GSAP: variants seen among roughly 807,000 people sequenced by gnomAD.
The protein encoded by GSAP is gamma-secretase-activating protein.
A neutral mutation model predicts 131.7 loss-of-function variants in GSAP; 118 were observed. The ratio of observed to expected loss-of-function variants is 0.90; its 90% CI spans 0.77 to 1.04. The LOEUF (loss-of-function observed/expected upper bound fraction) is 1.04, where lower values mean the gene tolerates loss of function less well. GSAP is among the 50% of genes least tolerant of loss of function. GSAP has a pLI of 0.00. For synonymous variants in GSAP, 381 were observed against 363.4 expected (o/e 1.05, Z -0.55); for missense variants, 1,019 against 1,013.2 (o/e 1.01, Z -0.08).
chr7:77,328,435 C>T, intron 22 of GSAP, 171 bp downstream of exon 22: 1 of 1,326,132 alleles, frequency 7.5e-7, no homozygotes, highest in Non-Finnish European at 9.6e-7. Context: ...GGTGCCTAGA[C>T]AGACATGGGA....
intron 19 of GSAP, among the ~76,000 whole-genome samples, chr7:77,343,664 T>C (rs1429354385): frequency 6.6e-6 from 1 of 152,200 alleles, no homozygotes. Context: ...CCAGTTTTTC[T>C]CCTTCTCATC....
chr7:77,355,672 A>G (rs369337812), intron 14 of GSAP, 25 bp from the exon 15 acceptor site: 19 of 1,256,670 alleles, frequency 1.5e-5, no homozygotes, highest in Non-Finnish European at 2.2e-5. Flanking sequence ...GATTTACATC[A>G]TCTACATGTG....
chr7:77,358,156 C>A (rs1473001099), intron 14 of GSAP, among the ~76,000 whole-genome samples: 1 of 152,098 alleles, frequency 6.6e-6, no homozygotes, highest in Non-Finnish European at 1.5e-5. Context: ...GCCTGGGCAG[C>A]ATGACAAAAC....
intron 12 of GSAP, among the ~76,000 whole-genome samples, chr7:77,370,309 A>C (rs1360303380): frequency 5.3e-5 from 8 of 152,134 alleles, no homozygotes; most frequent in Non-Finnish European, 1.2e-4. Flanking sequence ...AATACAAAAA[A>C]AATTAGCCAG....
intron 16 of GSAP, 53 bp downstream of exon 16, chr7:77,355,160 A>G (rs1793465903): frequency 1.8e-6 from 2 of 1,136,266 alleles, no homozygotes; most frequent in East Asian, 2.4e-5. Flanking sequence ...CACAAAATAA[A>G]TATGTTCAGT....
chr7:77,350,631 TA>T (rs1792717517), intron 18 of GSAP, among the ~76,000 whole-genome samples: 3 of 150,722 alleles, frequency 2.0e-5, no homozygotes, highest in African/African-American at 7.3e-5. Flanking sequence ...TATTTCCAGC[TA>T]CTCAGGAGGC....
intron 1 of GSAP, among the ~76,000 whole-genome samples, chr7:77,413,840 A>G (rs969028352): frequency 7.4e-6 from 1 of 135,714 alleles, no homozygotes; most frequent in Non-Finnish European, 1.6e-5. Context: ...TAGTGGATAC[A>G]CGGTTTTACT....
chr7:77,384,262 T>G lies in GSAP; in HGVS notation c.457-1619A>C, dbSNP rs552222195. ...GCCTGCTTAGGAATGTGACATGGAC[T>G]GAGGTGCTGAAGAGGTGTAACTGCC... On this transcript the variant is annotated intron_variant, in intron 6 of 30. Coordinates refer to ENST00000257626, the MANE Select transcript of GSAP (RefSeq NM_017439.4). Among the ~76,000 whole-genome samples the G allele has an allele frequency of 3.3e-5, 5 of 152,336 alleles. No individual in the cohort carries two copies. In the South Asian group the frequency reaches 8.3e-4, roughly 25 times the overall value.
chr7:77,416,086 G>T, intron 1 of GSAP, 127 bp downstream of exon 1: 1 of 525,108 alleles, frequency 1.9e-6, no homozygotes, highest in Non-Finnish European at 3.2e-6. Flanking sequence ...GGAGGGGAGC[G>T]ACGCCCTCGC....
chr7:77,381,351 A>G lies in GSAP; in HGVS notation c.530T>C (p.Ile177Thr), dbSNP rs1451338632. ...HLLLISEEKY[I>T]EQFRIHVAQE... ...GGCGACATGGATACGAAATTGTTCA[A>G]TATCTTTAAAAGAAAAACAAAGAAA... Residue 177 changes from isoleucine (I) to threonine (T), a missense_variant, in exon 8 of 31, where the codon ATT (isoleucine) becomes ACT (threonine). Coordinates refer to ENST00000257626, the MANE Select transcript of GSAP (RefSeq NM_017439.4). 6.0e-6 allele frequency: 9 copies of G among 1,498,078 alleles called. No individual in the cohort carries two copies. Among genetic ancestry groups the G allele is most frequent in the African/African-American group, 1.4e-5 (1 of 70,400 alleles). 92.8% of individuals were successfully genotyped at this position (1,498,078 alleles called of 1,614,324 possible).
At chr7:77,313,416 T>C (rs1794627628) in intron 28 of GSAP, 72 bp downstream of exon 28, 2 of 793,500 alleles carry the variant, frequency 2.5e-6, no homozygotes, top group Non-Finnish European at 4.3e-6. Flanking sequence ...GTAAATGCTC[T>C]TTTTGCAAGA....
In GSAP at chr7:77,353,015, A is replaced by C. The variant is rs757047931; in HGVS notation, c.1420T>G (p.Trp474Gly). ...IQEFIIASSY[W>G]SVYSETSNMD... ...TTACTTGTCTCTGAATATACACTCCAGTATGAAGAAGCTGAGTAGATTTTT... is the reference window on the plus strand; with the variant it reads ...TTACTTGTCTCTGAATATACACTCCCGTATGAAGAAGCTGAGTAGATTTTT... Residue 474 changes from tryptophan to glycine, a missense_variant, in exon 18 of 31, where the codon TGG (tryptophan) becomes GGG (glycine). Transcript: ENST00000257626. The C allele has an allele frequency of 2.5e-6, 4 of 1,593,708 alleles. No individual in the cohort carries two copies. The highest frequency in any genetic ancestry group is 1.1e-5 in the South Asian group (1 of 90,454).
chr7:77,313,496 G>C lies in GSAP; in HGVS notation c.2263C>G (p.Leu755Val). 6.5e-7 allele frequency: 1 copy of C among 1,549,608 alleles called. No individual in the cohort carries two copies. Among genetic ancestry groups the C allele is most frequent in the Non-Finnish European group, 8.9e-7 (1 of 1,122,750 alleles). The change falls in exon 28 of 31, where the codon CTT becomes GTT. Residue 755 changes from leucine (L) to valine (V), a missense_variant. Leu to Val is a conservative substitution (Grantham distance 32). Transcript: ENST00000257626. ...EKLKFSIIVRLPPLIGQKICR... is the reference protein window; with the variant it reads ...EKLKFSIIVRVPPLIGQKICR... ...ATGTAACTCAGTATTACCGGAGGAA[G>C]CCGCACAATGATACTGAATTTCAGT... is the stretch of plus-strand genomic sequence containing the variant.
intron 12 of GSAP, among the ~76,000 whole-genome samples, chr7:77,371,050 G>C (rs1796043355): frequency 6.6e-6 from 1 of 151,824 alleles, no homozygotes; most frequent in South Asian, 2.1e-4. Flanking sequence ...CCCCTCCTAT[G>C]CCTTCAAATG....
At chr7:77,405,895 TAA>T in intron 2 of GSAP, 132 bp downstream of exon 2, 1 of 325,018 alleles carries the variant, frequency 3.1e-6, no homozygotes, top group South Asian at 4.2e-5. Context: ...AGTCATATGT[TAA>T]GATTAAATGC....
intron 19 of GSAP, among the ~76,000 whole-genome samples, chr7:77,347,481 G>C (rs1199318127): frequency 1.3e-5 from 2 of 152,018 alleles, no homozygotes; most frequent in African/African-American, 2.4e-5. Context: ...CCACACATTT[G>C]GTAACAGAAG....
At chr7:77,336,595 T>C (rs1790010053) in intron 19 of GSAP, among the ~76,000 whole-genome samples, 2 of 152,068 alleles carry the variant, frequency 1.3e-5, no homozygotes, top group African/African-American at 2.4e-5. Flanking sequence ...TTCAAGCACT[T>C]CTCCTGCCTC....
intron 24 of GSAP, among the ~76,000 whole-genome samples, chr7:77,322,554 G>A (rs916327543): frequency 1.3e-5 from 2 of 151,180 alleles, no homozygotes; most frequent in Non-Finnish European, 2.9e-5. Flanking sequence ...GGTGATAGGT[G>A]GATGTGTTAA....
intron 2 of GSAP, among the ~76,000 whole-genome samples, 150 bp downstream of exon 2, chr7:77,405,873 TCACACA>T (rs1011417948): frequency 6.6e-6 from 1 of 152,156 alleles, no homozygotes; most frequent in Non-Finnish European, 1.5e-5. Flanking sequence ...TTATTCAGTC[TCACACA>T]CACAAAGTCA....
Sources: allele counts gnomAD v4.1 joint callset (sites outside exome capture counted in the v4.1 genomes callset), GRCh38; gene constraint gnomAD v4.1.1; transcripts MANE v1.5; gene names NCBI Gene and HGNC (gene_info 2026-07-23, HGNC 2026-07-21).